Variants in FTCDNL1 observed in about 807,000 individuals in gnomAD.
The protein encoded by FTCDNL1 is formiminotransferase N-terminal subdomain-containing protein.
A neutral mutation model predicts 5.9 loss-of-function variants in FTCDNL1; 11 were observed. The ratio of observed to expected loss-of-function variants is 1.87; its 90% confidence interval spans 1.18 to 3.10. The LOEUF (loss-of-function observed/expected upper bound fraction) is 3.10, where lower values mean the gene tolerates loss of function less well. Among genes scored for constraint, FTCDNL1 ranks in the 30% most tolerant of loss-of-function variants. The probability of loss-of-function intolerance (pLI) is 0.00; values close to 1 mark genes in which losing one functional copy is unlikely to be tolerated. For missense variants in FTCDNL1, 115 were observed against 65.5 expected, an observed-to-expected ratio of 1.76 and a Z score of -2.61; for synonymous variants, 58 against 24.8, an observed-to-expected ratio of 2.34 and a Z score of -3.99.
At chr2:199,742,020 T>C in the FTCDNL1 span, among the ~76,000 whole-genome samples, 1 of 152,160 alleles carries the variant, frequency 6.6e-6, no homozygotes, top group Non-Finnish European at 1.5e-5. Context: ...TCCAGCTTCA[T>C]TTCCTACCCT....
intron 3 of FTCDNL1, among the ~76,000 whole-genome samples, chr2:199,834,897 T>C (rs1702618894): frequency 6.6e-6 from 1 of 152,140 alleles, no homozygotes; most frequent in Admixed American, 6.6e-5. Context: ...AAATTCTAGC[T>C]GTGTGGTGGC....
chr2:199,705,525 T>C, the FTCDNL1 span, among the ~76,000 whole-genome samples: 1 of 152,204 alleles, frequency 6.6e-6, no homozygotes, highest in Middle Eastern at 3.2e-3. Context: ...CCTTAGGATT[T>C]TCTTTATAAT....
the FTCDNL1 span, among the ~76,000 whole-genome samples, chr2:199,730,597 C>A: frequency 6.6e-6 from 1 of 152,216 alleles, no homozygotes; most frequent in Admixed American, 6.5e-5. Context: ...AAAAAAAGCT[C>A]ATCTTCACTG....
At chr2:199,765,550 A>ATTTTTTTTTTTT (rs1195071962) in intron 3 of FTCDNL1, among the ~76,000 whole-genome samples, 3 of 52,974 alleles carry the variant, frequency 5.7e-5, no homozygotes, top group African/African-American at 1.4e-4. Context: ...ATATATATAT[A>ATTTTTTTTTTTT]TATATATTTT....
At chr2:199,732,827 C>T in the FTCDNL1 span, among the ~76,000 whole-genome samples, 2 of 152,176 alleles carry the variant, frequency 1.3e-5, no homozygotes, top group African/African-American at 4.8e-5. Context: ...GATCAAGGGA[C>T]AATTAACTCT....
chr2:199,790,762 T>C (rs891565390), intron 3 of FTCDNL1, among the ~76,000 whole-genome samples: 4 of 152,138 alleles, frequency 2.6e-5, no homozygotes, highest in African/African-American at 9.7e-5. Context: ...TACTTTACAC[T>C]TGAGTGGCAA....
chr2:199,777,013 C>A (rs1699124161), intron 3 of FTCDNL1, among the ~76,000 whole-genome samples: 1 of 141,608 alleles, frequency 7.1e-6, no homozygotes, highest in Non-Finnish European at 1.5e-5. Context: ...TGTATTGAGG[C>A]CAGGTACAGT....
At chr2:199,786,638 T>C (rs1364778593) in intron 3 of FTCDNL1, among the ~76,000 whole-genome samples, 6 of 152,220 alleles carry the variant, frequency 3.9e-5, no homozygotes, top group Non-Finnish European at 8.8e-5. Context: ...AACATACATT[T>C]ACCATATTTC....
At chr2:199,665,305 A>G in the FTCDNL1 span, among the ~76,000 whole-genome samples, 2,520 of 152,236 alleles carry the variant, frequency 0.017, 74 homozygotes, top group African/African-American at 0.057. Context: ...AAAGGCACAC[A>G]GGAATAAAAG....
In FTCDNL1 at chr2:199,819,271, C is replaced by G; in HGVS notation, c.397+301G>C. The G allele has an allele frequency of 1.4e-5, 5 of 350,616 alleles. No homozygotes were observed. In the South Asian group the frequency reaches 1.7e-4, roughly 12 times the overall value. The allele number at this position is 350,616 out of a possible 1,614,324, so 21.7% of individuals were successfully genotyped here. A position where few individuals can be genotyped will look rare whatever the true frequency, so the allele number is the denominator to read the frequency against. On this transcript the variant is annotated intron_variant, in intron 4 of 4. Transcript: ENST00000420128. ...ATTCACAGACAGGGGCCTCCAGGAC[C>G]CTGCCCCAGTGCCAGGAGCTACGAG...
the FTCDNL1 span, among the ~76,000 whole-genome samples, chr2:199,696,359 G>A: frequency 4.6e-5 from 7 of 152,296 alleles, no homozygotes; most frequent in African/African-American, 1.7e-4. Context: ...CCACCACCTC[G>A]ATGAAGAGTT....
intron 4 of FTCDNL1, among the ~76,000 whole-genome samples, chr2:199,815,825 C>A (rs188140598): frequency 7.2e-5 from 11 of 151,960 alleles, no homozygotes; most frequent in Non-Finnish European, 1.6e-4. Flanking sequence ...CATGGTGAAA[C>A]CCCGTCTCTA....
intron 3 of FTCDNL1, among the ~76,000 whole-genome samples, chr2:199,770,698 G>A (rs1698765661): frequency 6.6e-6 from 1 of 152,170 alleles, no homozygotes. Flanking sequence ...TATCTGGGAA[G>A]GGGAGAATAG....
At chr2:199,786,573 C>T (rs981552970) in intron 3 of FTCDNL1, among the ~76,000 whole-genome samples, 1 of 152,170 alleles carries the variant, frequency 6.6e-6, no homozygotes, top group Non-Finnish European at 1.5e-5. Flanking sequence ...GAGTATCACA[C>T]AAGACTGAGT....
the FTCDNL1 span, among the ~76,000 whole-genome samples, chr2:199,733,594 G>C: frequency 2.0e-5 from 3 of 152,172 alleles, no homozygotes; most frequent in African/African-American, 7.2e-5. Flanking sequence ...AGAGATGGTA[G>C]TTCAAACCAC....
At chr2:199,806,821 C>T (rs1700749459), downstream of FTCDNL1, among the ~76,000 whole-genome samples, 1 of 152,142 alleles carries the variant, frequency 6.6e-6, no homozygotes, top group Admixed American at 6.5e-5. Flanking sequence ...TTCCTTATCC[C>T]TCTTTTAAGA....
the FTCDNL1 span, among the ~76,000 whole-genome samples, chr2:199,750,544 C>T: frequency 1.3e-5 from 2 of 152,108 alleles, no homozygotes; most frequent in East Asian, 3.9e-4. Context: ...TCTGAGAAGA[C>T]CTTAACTTAA....
At chr2:199,760,247 T>TAAA (rs5837706), downstream of FTCDNL1, among the ~76,000 whole-genome samples, 1 of 150,520 alleles carries the variant, frequency 6.6e-6, no homozygotes. Flanking sequence ...AACCAAACAG[T>TAAA]AAGGCAAAGC....
chr2:199,833,107 T>G (rs1462051707), intron 3 of FTCDNL1, among the ~76,000 whole-genome samples: 3 of 152,032 alleles, frequency 2.0e-5, no homozygotes, highest in African/African-American at 7.2e-5. Context: ...TAGCTGAGAT[T>G]AGAGGTACAC....
Sources: allele counts gnomAD v4.1 joint callset (sites outside exome capture counted in the v4.1 genomes callset), GRCh38; gene constraint gnomAD v4.1.1; transcripts MANE v1.5; gene names NCBI Gene and HGNC (gene_info 2026-07-23, HGNC 2026-07-21).